Variants in ZZEF1 observed in about 807,000 individuals in gnomAD.
ZZEF1 encodes the protein zinc finger ZZ-type and EF-hand domain-containing protein 1.
Under a neutral mutation model 342.8 loss-of-function variants are expected in ZZEF1, and 157 were observed. The ratio of observed to expected loss-of-function variants is 0.46; its 90% CI spans 0.40 to 0.52. The LOEUF (loss-of-function observed/expected upper bound fraction) is 0.52, where lower values mean the gene tolerates loss of function less well. Ranked by LOEUF, ZZEF1 falls within the 20% of genes least tolerant of loss-of-function variation. The pLI is 0.00. For synonymous variants in ZZEF1, 1,505 were observed against 1,429.1 expected (o/e 1.05, Z -1.20); for missense variants, 3,480 against 3,725.6 (o/e 0.93, Z 1.72).
chr17:4,046,556 C>A (rs2056917701), intron 37 of ZZEF1, among the ~76,000 whole-genome samples: 1 of 152,158 alleles, frequency 6.6e-6, no homozygotes, highest in Non-Finnish European at 1.5e-5. Context: ...CCTAACTCAG[C>A]CTCCCCTCTG....
intron 11 of ZZEF1, 41 bp downstream of exon 11, chr17:4,095,790 T>G: frequency 6.4e-7 from 1 of 1,561,558 alleles, no homozygotes; most frequent in Non-Finnish European, 8.7e-7. Flanking sequence ...AGATTTTTGT[T>G]CTGTAGATCT....
rs1262617489 is a variant in ZZEF1 at position 4,005,757 on chromosome 17, T to TGCCC, written c.*1129_*1132dup. The TGCCC allele has an allele frequency of 1.3e-5, 2 of 152,256 alleles. No homozygotes were observed. Among genetic ancestry groups the TGCCC allele is most frequent in the African/African-American group, 4.8e-5 (2 of 41,450 alleles). 9.4% of individuals were successfully genotyped at this position (152,256 alleles called of 1,614,324 possible). On this transcript the variant is annotated 3_prime_UTR_variant, in exon 55 of 55. Coordinates refer to ENST00000381638, the MANE Select transcript of ZZEF1 (RefSeq NM_015113.4). ...GTGGGACGTGCTTCGGCCCAGACACTGCCCCTAAAGGCATGCTCCAACCCC... is the reference window on the plus strand; with the variant it reads ...GTGGGACGTGCTTCGGCCCAGACACTGCCCGCCCCTAAAGGCATGCTCCAACCCC...
At chr17:4,088,587 G>C in intron 13 of ZZEF1, 91 bp downstream of exon 13, 1 of 1,391,180 alleles carries the variant, frequency 7.2e-7, no homozygotes, top group Middle Eastern at 2.5e-4. Flanking sequence ...GCTTCCGCAG[G>C]GGCAGGTTTT....
chr17:4,076,612 C>T (rs373516643), intron 21 of ZZEF1, 25 bp downstream of exon 21: 25 of 1,595,918 alleles, frequency 1.6e-5, no homozygotes, highest in Non-Finnish European at 1.8e-5. Context: ...GAACACGGGG[C>T]GGCTCAAGTG....
chr17:4,031,929 T>C (rs968115), intron 42 of ZZEF1, among the ~76,000 whole-genome samples, 197 bp downstream of exon 42: 17,873 of 152,096 alleles, frequency 0.12, 1,114 homozygotes, highest in Non-Finnish European at 0.14. Flanking sequence ...AAAGACAGCA[T>C]GGAAAGGGGC....
chr17:4,103,687 G>A (rs918924079), intron 8 of ZZEF1, among the ~76,000 whole-genome samples: 1 of 152,202 alleles, frequency 6.6e-6, no homozygotes, highest in African/African-American at 2.4e-5. Flanking sequence ...AGAGGCCAAG[G>A]TGGGAGGACT....
chr17:4,129,544 AG>A (rs1436982416), intron 1 of ZZEF1, among the ~76,000 whole-genome samples: 1 of 152,178 alleles, frequency 6.6e-6, no homozygotes, highest in African/African-American at 2.4e-5. Context: ...TAAGGTAAAA[AG>A]AAAAAAAAGA....
chr17:4,141,148 A>G (rs2058838725), intron 1 of ZZEF1, among the ~76,000 whole-genome samples: 1 of 151,990 alleles, frequency 6.6e-6, no homozygotes, highest in South Asian at 2.1e-4. Flanking sequence ...ACCTCAGATG[A>G]TCCTCCCGCC....
chr17:4,077,022 T>C lies in ZZEF1; in HGVS notation c.2990-33A>G, dbSNP rs368812077. On this transcript the variant is annotated intron_variant, in intron 19 of 54. Transcript: ENST00000381638. The stretch of plus-strand genomic sequence containing the variant: ...AACAAAGAAAATAATTAATATATTA[T>C]ATAGTAGAAATGTCACATGCTTGGT... 24 of 1,559,974 alleles carry C rather than the reference T, an allele frequency of 1.5e-5. No homozygotes were observed. The African/African-American group carries it at 2.6e-4, about 17-fold the overall frequency.
At chr17:4,087,568 T>C in intron 13 of ZZEF1, 34 bp from the exon 14 acceptor site, 1 of 1,550,340 alleles carries the variant, frequency 6.5e-7, no homozygotes, top group Non-Finnish European at 8.8e-7. Flanking sequence ...TAAATAAAAC[T>C]GAAAAATGCA....
rs753656496 is a variant in ZZEF1 at position 4,064,786 on chromosome 17, C to T, written c.4293G>A (p.Leu1431=). 2 of 1,566,232 alleles carry T rather than the reference C, an allele frequency of 1.3e-6. No individual in the cohort carries two copies. The highest frequency in any genetic ancestry group is 2.3e-5 in the South Asian group (2 of 88,836). The change falls in exon 29 of 55, where the codon CTG becomes CTA. Residue 1431 remains leucine, a synonymous_variant. Coordinates refer to ENST00000381638, the MANE Select transcript of ZZEF1 (RefSeq NM_015113.4). ...TTTCTTTTGAACTTATGCCCGTGGG[C>T]AGAAATTTTAGTAATAGAAGACTCT... is the stretch of plus-strand genomic sequence containing the variant. ...IEKSLLLLKF[L]PTGISSKESC...
intron 37 of ZZEF1, among the ~76,000 whole-genome samples, chr17:4,045,409 G>A (rs916176546): frequency 1.3e-5 from 2 of 152,136 alleles, no homozygotes; most frequent in Non-Finnish European, 2.9e-5. Context: ...GGTGACTATC[G>A]TTAATGTACT....
chr17:4,110,497 T>G (rs543525715), intron 5 of ZZEF1, among the ~76,000 whole-genome samples: 1 of 152,304 alleles, frequency 6.6e-6, no homozygotes, highest in East Asian at 1.9e-4. Flanking sequence ...CCTCAGTTCC[T>G]TTGAGCAAAG....
At chr17:4,009,317 C>G in intron 53 of ZZEF1, 1 of 573,476 alleles carries the variant, frequency 1.7e-6, no homozygotes, top group East Asian at 2.9e-5. Flanking sequence ...GCAGAAATAA[C>G]CCATCGTTTT....
At chr17:4,113,681 G>T (rs1320028256) in intron 4 of ZZEF1, among the ~76,000 whole-genome samples, 1 of 147,052 alleles carries the variant, frequency 6.8e-6, no homozygotes, top group Non-Finnish European at 1.5e-5. Flanking sequence ...AAAAAAAGAA[G>T]TATAGAAAGG....
At chr17:4,022,489 C>T in intron 44 of ZZEF1, 1 of 513,016 alleles carries the variant, frequency 1.9e-6, no homozygotes. Flanking sequence ...TTCTCTTCCA[C>T]TGTTCTTTGA....
chr17:4,013,679 A>G, intron 51 of ZZEF1, 65 bp from the exon 52 acceptor site: 1 of 1,447,940 alleles, frequency 6.9e-7, no homozygotes, highest in Non-Finnish European at 9.2e-7. Flanking sequence ...TTATTATTAA[A>G]TAAAGTATAA....
intron 52 of ZZEF1, among the ~76,000 whole-genome samples, chr17:4,010,223 GT>G: frequency 6.6e-6 from 1 of 151,744 alleles, no homozygotes; most frequent in Non-Finnish European, 1.5e-5. Flanking sequence ...AAACCTAGCT[GT>G]GTGTGACAGC....
intron 4 of ZZEF1, among the ~76,000 whole-genome samples, chr17:4,113,459 A>G (rs1485191897): frequency 6.6e-6 from 1 of 152,140 alleles, no homozygotes; most frequent in Non-Finnish European, 1.5e-5. Context: ...AGAAGTTGGG[A>G]GCTTGAGACC....
Sources: gnomAD v4.1 joint callset for allele counts (sites outside exome capture counted in the v4.1 genomes callset) on GRCh38, gnomAD v4.1.1 for gene constraint, MANE v1.5 for transcripts, NCBI Gene and HGNC (gene_info 2026-07-23, HGNC 2026-07-21) for gene names.